STK3: variants seen among roughly 807,000 people sequenced by gnomAD.
STK3 encodes the protein serine/threonine-protein kinase 3.
Under a neutral mutation model 58.0 loss-of-function variants are expected in STK3, and 41 were observed. The ratio of observed to expected loss-of-function variants is 0.71; its 90% CI spans 0.55 to 0.92. STK3 has a LOEUF of 0.92. Among genes scored for constraint, STK3 ranks in the 40% least tolerant of loss-of-function variants. STK3 has a pLI of 0.00. For synonymous variants in STK3, 170 were observed against 191.0 expected, an observed-to-expected ratio of 0.89 and a Z score of 0.91; for missense variants, 479 against 602.7, an observed-to-expected ratio of 0.79 and a Z score of 2.15.
chr8:98,650,400 C>G (rs564989379), intron 6 of STK3, among the ~76,000 whole-genome samples: 1 of 152,370 alleles, frequency 6.6e-6, no homozygotes, highest in East Asian at 1.9e-4. Flanking sequence ...CTACAGCTCT[C>G]AGCGTGAGCG....
At chr8:98,379,716 C>A (rs1422503156) in intron 1 of STK3, among the ~76,000 whole-genome samples, 1 of 152,180 alleles carries the variant, frequency 6.6e-6, no homozygotes, top group Non-Finnish European at 1.5e-5. Flanking sequence ...TAAAAGGCAA[C>A]ATGTGTTCAT....
intron 1 of STK3, among the ~76,000 whole-genome samples, chr8:98,911,241 T>C (rs1356683490): frequency 2.0e-5 from 3 of 152,198 alleles, no homozygotes; most frequent in Non-Finnish European, 2.9e-5. Flanking sequence ...AAAAGCTCTT[T>C]ATGTATAGAT....
intron 8 of STK3, among the ~76,000 whole-genome samples, chr8:98,559,574 C>T (rs1338603653): frequency 6.6e-6 from 1 of 152,134 alleles, no homozygotes. Flanking sequence ...TAACTACCAA[C>T]TGCGGAAAGC....
At chr8:98,466,342 C>T (rs1437623170) in intron 10 of STK3, among the ~76,000 whole-genome samples, 1 of 152,114 alleles carries the variant, frequency 6.6e-6, no homozygotes, top group Non-Finnish European at 1.5e-5. Context: ...AATTTTTCTC[C>T]AATTACACTC....
intron 10 of STK3, among the ~76,000 whole-genome samples, chr8:98,522,106 G>T (rs528960473): frequency 6.6e-6 from 1 of 152,104 alleles, no homozygotes; most frequent in Non-Finnish European, 1.5e-5. Context: ...CAAAATCTAT[G>T]AGGGGCTAAA....
intron 10 of STK3, among the ~76,000 whole-genome samples, chr8:98,512,508 C>T (rs1690830912): frequency 6.6e-6 from 1 of 152,124 alleles, no homozygotes; most frequent in African/African-American, 2.4e-5. Flanking sequence ...ATATGTGCCA[C>T]ATGTGAGCAG....
At chr8:98,368,780 A>G (rs1274055927), downstream of STK3, among the ~76,000 whole-genome samples, 1 of 152,152 alleles carries the variant, frequency 6.6e-6, no homozygotes, top group East Asian at 1.9e-4. Flanking sequence ...GAGGCAGCAG[A>G]CCTGATTTCC....
chr8:98,623,927 C>T (rs1275982815), intron 6 of STK3, among the ~76,000 whole-genome samples: 2 of 152,210 alleles, frequency 1.3e-5, no homozygotes, highest in Admixed American at 6.5e-5. Flanking sequence ...AGAAAATAAA[C>T]TGTTGTTGTT....
At chr8:98,701,451 C>A (rs1587352771) in intron 6 of STK3, among the ~76,000 whole-genome samples, 1 of 152,044 alleles carries the variant, frequency 6.6e-6, no homozygotes, top group African/African-American at 2.4e-5. Flanking sequence ...AACCCCGTCA[C>A]TACTAAAAAT....
intron 1 of STK3, among the ~76,000 whole-genome samples, chr8:98,823,257 G>C (rs1400226016): frequency 6.6e-6 from 1 of 152,180 alleles, no homozygotes; most frequent in African/African-American, 2.4e-5. Context: ...GCAGCTTCTA[G>C]TCATACTTGA....
rs562400538 is a variant in STK3, at chr8:98,410,231, G to A, written n.484-8718C>T. On this transcript the variant is annotated intron_variant and non_coding_transcript_variant, in intron 3 of 3. Transcript: ENST00000517832. ...GAGAGTCCACAGGCCAAGGAGCAGC[G>A]GAAACACTAAATGCACTCCCTCCCT... Among the ~76,000 whole-genome samples the A allele has an allele frequency of 1.8e-4, 28 of 152,142 alleles. 1 individual carries two copies. Among genetic ancestry groups the A allele is most frequent in the Admixed American group, 1.2e-3 (19 of 15,266 alleles).
chr8:98,876,997 AT>A (rs1837581802), intron 3 of STK3, among the ~76,000 whole-genome samples: 1 of 152,242 alleles, frequency 6.6e-6, no homozygotes, highest in Non-Finnish European at 1.5e-5. Context: ...GATCCTGGCT[AT>A]TCCATTAAAA....
intron 1 of STK3, among the ~76,000 whole-genome samples, chr8:98,823,460 T>A (rs187136464): frequency 3.0e-4 from 45 of 152,314 alleles, no homozygotes; most frequent in African/African-American, 1.1e-3. Flanking sequence ...CATCACTGTA[T>A]ACAACAAGAG....
At chr8:98,425,042 G>A (rs1233714950) in intron 3 of STK3, among the ~76,000 whole-genome samples, 1 of 152,196 alleles carries the variant, frequency 6.6e-6, no homozygotes, top group Admixed American at 6.5e-5. Flanking sequence ...CGAAGGTGTG[G>A]AAGGGGGGAT....
intron 3 of STK3, among the ~76,000 whole-genome samples, chr8:98,402,062 A>G (rs1817948601): frequency 6.6e-6 from 1 of 152,232 alleles, no homozygotes; most frequent in South Asian, 2.1e-4. Context: ...ATAAGATTAT[A>G]CTATCCTTGC....
intron 7 of STK3, chr8:98,594,992 C>T (rs1190539430): frequency 6.6e-6 from 1 of 152,150 alleles, no homozygotes; most frequent in African/African-American, 2.4e-5. Context: ...TAAATTGTTT[C>T]CAACTTGTTG....
intron 3 of STK3, among the ~76,000 whole-genome samples, chr8:98,425,328 G>GACAC (rs5893464): frequency 1.3e-4 from 19 of 150,920 alleles, no homozygotes; most frequent in East Asian, 7.9e-4. Context: ...CTCCCTCTCA[G>GACAC]ACACACACAC....
intron 8 of STK3, among the ~76,000 whole-genome samples, chr8:98,565,701 T>G (rs2131655558): frequency 6.6e-6 from 1 of 152,246 alleles, no homozygotes; most frequent in East Asian, 1.9e-4. Flanking sequence ...CAACAAAATG[T>G]TGCATTTTGA....
intron 4 of STK3, among the ~76,000 whole-genome samples, chr8:98,744,514 T>C (rs960991204): frequency 1.4e-5 from 2 of 139,662 alleles, no homozygotes; most frequent in African/African-American, 2.7e-5. Context: ...TTCTCACTCA[T>C]AGGTGGGAAC....
Sources: gnomAD v4.1 joint callset for allele counts (sites outside exome capture counted in the v4.1 genomes callset) on GRCh38, gnomAD v4.1.1 for gene constraint, MANE v1.5 for transcripts, NCBI Gene and HGNC (gene_info 2026-07-23, HGNC 2026-07-21) for gene names.